The following PTPN9 variants were observed in gnomAD, a reference collection of about 807,000 sequenced individuals.
PTPN9 encodes the protein protein tyrosine phosphatase non-receptor type 9.
PTPN9 carries 26 observed loss-of-function variants against 69.8 expected under a neutral mutation model. The observed-to-expected ratio is 0.37, with a 90% CI of 0.27 to 0.52. PTPN9 has a LOEUF of 0.52. Ranked by LOEUF, PTPN9 falls within the 20% of genes least tolerant of loss-of-function variation. PTPN9 has a pLI of 0.91. For synonymous variants in PTPN9, 274 were observed against 272.5 expected (o/e 1.01, Z -0.05); for missense variants, 549 against 740.3 (o/e 0.74, Z 3.00).
intron 10 of PTPN9, 83 bp from the exon 11 acceptor site, chr15:75,470,913 C>A (rs2074560673): frequency 6.0e-6 from 9 of 1,502,884 alleles, no homozygotes; most frequent in Non-Finnish European, 7.2e-6. Flanking sequence ...CTGATATACC[C>A]CCAGGCAGCA....
At chr15:75,503,351 G>A (rs1247987814) in intron 7 of PTPN9, among the ~76,000 whole-genome samples, 2 of 124,746 alleles carry the variant, frequency 1.6e-5, no homozygotes, top group Admixed American at 8.0e-5. Flanking sequence ...GGTGAGGAGC[G>A]TCTCTGCCCA....
intron 7 of PTPN9, among the ~76,000 whole-genome samples, chr15:75,491,414 A>AAG (rs896424359): frequency 6.6e-6 from 1 of 151,728 alleles, no homozygotes; most frequent in Non-Finnish European, 1.5e-5. Flanking sequence ...AAAAAAAAAA[A>AAG]AAATAATTAA....
chr15:75,494,303 A>C (rs1190659575), intron 7 of PTPN9, among the ~76,000 whole-genome samples: 1 of 151,738 alleles, frequency 6.6e-6, no homozygotes, highest in Non-Finnish European at 1.5e-5. Context: ...CAAGTAACCA[A>C]TGTAATAAAT....
rs545145905 is a variant in PTPN9 at position 75,540,303 on chromosome 15, G to A, written c.64-13042C>T. 9.5e-4 allele frequency among the ~76,000 whole-genome samples: 145 copies of A among 152,272 alleles called. 1 individual carries two copies. Among genetic ancestry groups the A allele is most frequent in the Non-Finnish European group, 1.6e-3 (106 of 68,008 alleles). The stretch of plus-strand genomic sequence containing the variant: ...TGGCCGGGCATGTTGGCTCACGCCT[G>A]TAATCCTAGCACTTTGGGAAGACAA... On this transcript the variant is annotated intron_variant, in intron 1 of 12. Coordinates refer to ENST00000618819, the MANE Select transcript of PTPN9 (RefSeq NM_002833.4).
At chr15:75,566,938 C>T (rs991226321) in intron 1 of PTPN9, among the ~76,000 whole-genome samples, 1 of 151,898 alleles carries the variant, frequency 6.6e-6, no homozygotes, top group Non-Finnish European at 1.5e-5. Flanking sequence ...TGCAGTCAGC[C>T]ATAACTGTGC....
intron 7 of PTPN9, among the ~76,000 whole-genome samples, chr15:75,494,781 T>C (rs2074730536): frequency 6.6e-6 from 1 of 151,930 alleles, no homozygotes; most frequent in South Asian, 2.1e-4. Flanking sequence ...CCCAGCACTT[T>C]GGGAGGCCAA....
chr15:75,487,995 T>A (rs2074688082), intron 8 of PTPN9, among the ~76,000 whole-genome samples: 1 of 152,242 alleles, frequency 6.6e-6, no homozygotes, highest in Non-Finnish European at 1.5e-5. Context: ...TAAATTACTT[T>A]ACTTTGCCGG....
intron 1 of PTPN9, among the ~76,000 whole-genome samples, chr15:75,565,215 C>T (rs1253903986): frequency 6.6e-6 from 1 of 151,792 alleles, no homozygotes; most frequent in African/African-American, 2.4e-5. Context: ...GGAAATGGCT[C>T]ATTTTACCCC....
At chr15:75,552,591 TAA>T (rs1259678471) in intron 1 of PTPN9, among the ~76,000 whole-genome samples, 1 of 151,910 alleles carries the variant, frequency 6.6e-6, no homozygotes, top group African/African-American at 2.4e-5. Context: ...TAGGCTAATG[TAA>T]GTGCTCTGAG....
intron 1 of PTPN9, among the ~76,000 whole-genome samples, chr15:75,529,347 C>G (rs1447900470): frequency 2.0e-5 from 3 of 152,158 alleles, no homozygotes; most frequent in Non-Finnish European, 4.4e-5. Flanking sequence ...TATTCTGTCC[C>G]TTCCATCCAG....
At chr15:75,522,607 T>C (rs546009795) in intron 4 of PTPN9, among the ~76,000 whole-genome samples, 8 of 152,220 alleles carry the variant, frequency 5.3e-5, no homozygotes, top group African/African-American at 1.7e-4. Context: ...GGTTTCACCA[T>C]GTTGTCCAGG....
At chr15:75,547,213 T>G (rs563275186) in intron 1 of PTPN9, among the ~76,000 whole-genome samples, 218 of 150,332 alleles carry the variant, frequency 1.5e-3, no homozygotes, top group South Asian at 2.3e-3. Flanking sequence ...GAGAATCGCT[T>G]GAACACGGGA....
chr15:75,513,498 G>A (rs1567495414), intron 5 of PTPN9: 5 of 438,054 alleles, frequency 1.1e-5, no homozygotes, highest in Non-Finnish European at 2.3e-5. Context: ...TGGGCGTGGT[G>A]GATCACACCT....
At chr15:75,546,358 C>A (rs747098932) in intron 1 of PTPN9, among the ~76,000 whole-genome samples, 11 of 151,928 alleles carry the variant, frequency 7.2e-5, no homozygotes, top group Non-Finnish European at 1.0e-4. Flanking sequence ...AAATAGGGAA[C>A]TTCAGCCAGG....
intron 1 of PTPN9, among the ~76,000 whole-genome samples, chr15:75,560,748 C>T (rs543707625): frequency 2.0e-4 from 31 of 152,190 alleles, no homozygotes; most frequent in African/African-American, 7.5e-4. Context: ...AAGCCAGGCG[C>T]GGTGGCTCAC....
At position 75,464,900 on chromosome 15, in the gene PTPN9, G is replaced by A. The variant is rs530974703; in HGVS notation, c.*3869C>T. ...GGCTGAGGATGCTGGGGCACCCTTC[G>A]TCTCAGGAGTCCCATCCTAGCCAAT... On this transcript the variant is annotated 3_prime_UTR_variant, in exon 13 of 13. Transcript: ENST00000618819. 7.9e-5 allele frequency: 12 copies of A among 152,244 alleles called. No individual in the cohort carries two copies. Among genetic ancestry groups the A allele is most frequent in the South Asian group, 4.1e-4 (2 of 4,820 alleles). The allele number at this position is 152,244 out of a possible 1,614,324, so 9.4% of individuals were successfully genotyped here.
intron 1 of PTPN9, among the ~76,000 whole-genome samples, chr15:75,528,530 G>GCAT (rs2074940997): frequency 6.6e-6 from 1 of 151,428 alleles, no homozygotes; most frequent in African/African-American, 2.4e-5. Context: ...CTATAGGCAT[G>GCAT]GCATATGTCA....
intron 8 of PTPN9, among the ~76,000 whole-genome samples, chr15:75,489,020 A>G (rs530286283): frequency 6.6e-6 from 1 of 151,910 alleles, no homozygotes; most frequent in African/African-American, 2.4e-5. Context: ...CTAAAAACAC[A>G]AAATATTAGC....
At chr15:75,470,365 T>C (rs2074557639) in intron 11 of PTPN9, among the ~76,000 whole-genome samples, 1 of 152,206 alleles carries the variant, frequency 6.6e-6, no homozygotes, top group Non-Finnish European at 1.5e-5. Context: ...CTGTGTTGCC[T>C]AGATTATCTT....
Sources: allele counts gnomAD v4.1 joint callset (sites outside exome capture counted in the v4.1 genomes callset), GRCh38; gene constraint gnomAD v4.1.1; transcripts MANE v1.5; gene names NCBI Gene and HGNC (gene_info 2026-07-23, HGNC 2026-07-21).